Variants in CSGALNACT1 observed in about 807,000 individuals in gnomAD.
The protein encoded by CSGALNACT1 is beta4GalNAcT-1.
In CSGALNACT1, 52 loss-of-function variants were observed where a neutral mutation model predicts 51.0. The observed-to-expected ratio is 1.02, with a 90% CI of 0.82 to 1.29. The LOEUF is 1.29. Ranked by LOEUF, CSGALNACT1 falls within the 50% of genes most tolerant of loss-of-function variation. The pLI is 0.00. For missense variants in CSGALNACT1, 935 were observed against 679.2 expected (o/e 1.38, Z -4.19); for synonymous variants, 341 against 254.4 (o/e 1.34, Z -3.24).
At chr8:19,528,504 A>T (rs2082145025) in intron 3 of CSGALNACT1, among the ~76,000 whole-genome samples, 1 of 152,084 alleles carries the variant, frequency 6.6e-6, no homozygotes, top group Non-Finnish European at 1.5e-5. Context: ...TTCTTGGCCA[A>T]AGTGACTGCC....
intron 1 of CSGALNACT1, among the ~76,000 whole-genome samples, chr8:19,671,694 G>A (rs556540783): frequency 9.2e-5 from 14 of 152,280 alleles, no homozygotes; most frequent in East Asian, 1.9e-4. Context: ...TAGTAGGGAC[G>A]AAGTAAAGAG....
intron 3 of CSGALNACT1, among the ~76,000 whole-genome samples, chr8:19,582,354 A>T (rs1339403899): frequency 1.3e-5 from 2 of 152,220 alleles, no homozygotes; most frequent in Admixed American, 1.3e-4. Context: ...TAAAACTTAC[A>T]ATGTACATTA....
At chr8:19,628,578 G>A (rs2054764754) in intron 1 of CSGALNACT1, among the ~76,000 whole-genome samples, 4 of 152,098 alleles carry the variant, frequency 2.6e-5, no homozygotes, top group South Asian at 2.1e-4. Context: ...GAGCAAGGAC[G>A]CTGTTGCTAA....
At chr8:19,556,710 A>G (rs1375992203) in intron 3 of CSGALNACT1, among the ~76,000 whole-genome samples, 1 of 152,008 alleles carries the variant, frequency 6.6e-6, no homozygotes, top group African/African-American at 2.4e-5. Context: ...CTCTCCTAGG[A>G]TAATTTCTCC....
intron 1 of CSGALNACT1, among the ~76,000 whole-genome samples, chr8:19,644,477 A>G (rs2154179186): frequency 6.6e-6 from 1 of 151,236 alleles, no homozygotes; most frequent in East Asian, 1.9e-4. Flanking sequence ...TGGGAGGCTG[A>G]GGTGGGTGAA....
upstream of CSGALNACT1, among the ~76,000 whole-genome samples, chr8:19,684,339 T>C (rs116559945): frequency 1.1e-4 from 16 of 152,256 alleles, no homozygotes; most frequent in African/African-American, 3.4e-4. Flanking sequence ...GACAAAGGTA[T>C]TGAAGCAACG....
At chr8:19,445,340 G>A (rs183333521) in intron 5 of CSGALNACT1, among the ~76,000 whole-genome samples, 2 of 152,314 alleles carry the variant, frequency 1.3e-5, no homozygotes, top group East Asian at 3.9e-4. Context: ...AATCAGGAGA[G>A]GGTCACCTGC....
chr8:19,529,653 T>TAC (rs1246071271), intron 3 of CSGALNACT1, among the ~76,000 whole-genome samples: 2 of 152,096 alleles, frequency 1.3e-5, no homozygotes, highest in East Asian at 1.9e-4. Flanking sequence ...AAACTTCAAA[T>TAC]ACACACACAC....
rs191465635 is a variant in CSGALNACT1, at chr8:19,570,245, T to G, written c.-297+20915A>C. Among the ~76,000 whole-genome samples, 39 of 152,332 alleles carry G rather than the reference T, an allele frequency of 2.6e-4. 2 individuals are homozygous for G. In the East Asian group the frequency reaches 4.0e-3, roughly 16 times the overall value. ...CATTAGAAAGGTAAGAAACAAAAAG[T>G]GTTGGCTGTTTCCCAAGGCTTAATA... On this transcript the variant is annotated intron_variant, in intron 3 of 9. Coordinates refer to ENST00000454498, the Ensembl canonical transcript of CSGALNACT1.
At chr8:19,418,052 G>T (rs1431963714) in intron 8 of CSGALNACT1, among the ~76,000 whole-genome samples, 1 of 152,190 alleles carries the variant, frequency 6.6e-6, no homozygotes, top group African/African-American at 2.4e-5. Flanking sequence ...TCTTAGCAGA[G>T]AAGTCCTTCC....
chr8:19,663,214 C>T (rs368898924), intron 1 of CSGALNACT1, among the ~76,000 whole-genome samples: 2 of 152,098 alleles, frequency 1.3e-5, no homozygotes, highest in East Asian at 1.9e-4. Flanking sequence ...AAGATAACTA[C>T]ACTTGTGAAG....
chr8:19,454,788 G>C (rs1203882238), intron 5 of CSGALNACT1, among the ~76,000 whole-genome samples: 1 of 113,170 alleles, frequency 8.8e-6, no homozygotes. Context: ...ACAAAATGTA[G>C]TAAAAAAAAA....
chr8:19,690,279 T>C (rs1488344164), intron 1 of CSGALNACT1, among the ~76,000 whole-genome samples: 2 of 152,240 alleles, frequency 1.3e-5, no homozygotes, highest in Non-Finnish European at 2.9e-5. Flanking sequence ...TTAACTGCAT[T>C]TATAGCCAAG....
intron 1 of CSGALNACT1, among the ~76,000 whole-genome samples, chr8:19,617,637 G>A (rs1237504457): frequency 3.9e-5 from 6 of 152,120 alleles, no homozygotes; most frequent in African/African-American, 1.4e-4. Flanking sequence ...AAGTGCCCCA[G>A]GATAATTCTG....
chr8:19,439,186 T>C (rs2060893566), intron 6 of CSGALNACT1, among the ~76,000 whole-genome samples: 1 of 152,246 alleles, frequency 6.6e-6, no homozygotes, highest in Non-Finnish European at 1.5e-5. Context: ...AAAAAATCCA[T>C]CTATGCTGCT....
At chr8:19,733,487 A>G (rs2063797856) in intron 1 of CSGALNACT1, among the ~76,000 whole-genome samples, 1 of 152,022 alleles carries the variant, frequency 6.6e-6, no homozygotes, top group African/African-American at 2.4e-5. Context: ...CATTGTCTCA[A>G]ACTTTCTGAG....
chr8:19,496,418 T>G (rs557624208), intron 4 of CSGALNACT1, among the ~76,000 whole-genome samples: 3 of 152,300 alleles, frequency 2.0e-5, no homozygotes, highest in African/African-American at 7.2e-5. Flanking sequence ...GGGACTCTGC[T>G]TGATGGTTGG....
intron 3 of CSGALNACT1, among the ~76,000 whole-genome samples, chr8:19,509,488 G>A (rs955353514): frequency 2.0e-5 from 3 of 152,024 alleles, no homozygotes; most frequent in Middle Eastern, 3.4e-3. Context: ...GTATCGTGGT[G>A]CGTGCAGCCT....
rs116442806 is a variant in CSGALNACT1, at chr8:19,487,428, G to A, written c.634+17773C>T. The stretch of plus-strand genomic sequence containing the variant: ...CCATGACAGGGAGGTTCCAGGACAC[G>A]GCCCACATGTCAACACGATGGTGGA... On this transcript the variant is annotated intron_variant, in intron 4 of 9. Coordinates refer to ENST00000454498, the Ensembl canonical transcript of CSGALNACT1. Among the ~76,000 whole-genome samples, 521 of 152,242 alleles carry A rather than the reference G, an allele frequency of 3.4e-3. 2 individuals carry two copies. Among genetic ancestry groups the A allele is most frequent in the African/African-American group, 0.012 (498 of 41,546 alleles).
Sources: allele counts gnomAD v4.1 joint callset (sites outside exome capture counted in the v4.1 genomes callset), GRCh38; gene constraint gnomAD v4.1.1; transcripts MANE v1.5; gene names NCBI Gene and HGNC (gene_info 2026-07-23, HGNC 2026-07-21).